Variants in ATP11C observed in about 807,000 individuals in gnomAD.
ATP11C encodes the protein phospholipid-transporting ATPase IG.
ATP11C carries 36 observed loss-of-function variants against 97.4 expected under a neutral mutation model. The observed-to-expected ratio is 0.37, with a 90% CI of 0.28 to 0.49. The LOEUF (loss-of-function observed/expected upper bound fraction) is 0.49. Ranked by LOEUF, ATP11C falls within the 20% of genes least tolerant of loss-of-function variation. The pLI, the probability that ATP11C is intolerant of heterozygous loss-of-function variation, is 0.98. For missense variants in ATP11C, 730 were observed against 824.6 expected (o/e 0.89, Z 1.40); for synonymous variants, 275 against 290.9 (o/e 0.95, Z 0.56).
chrX:139,802,061 G>T (rs1276081945), intron 7 of ATP11C, among the ~76,000 whole-genome samples, 175 bp downstream of exon 7: 1 of 111,865 alleles, frequency 8.9e-6, no homozygotes, highest in Non-Finnish European at 1.9e-5. Flanking sequence ...GATTTATTCT[G>T]GGTTGATAGT....
intron 1 of ATP11C, among the ~76,000 whole-genome samples, chrX:139,867,288 A>C (rs1292167515): frequency 9.0e-6 from 1 of 110,924 alleles, no homozygotes; most frequent in Admixed American, 9.7e-5. Context: ...GATAAGTAAA[A>C]TCTATAGTAT....
intron 1 of ATP11C, among the ~76,000 whole-genome samples, chrX:139,859,946 C>CA (rs1174182010): frequency 1.1e-5 from 1 of 92,472 alleles, no homozygotes; most frequent in Middle Eastern, 4.4e-3. Context: ...ACTAAAAATA[C>CA]AAAAAAAAAT....
chrX:139,840,674 C>T (rs191221294), intron 1 of ATP11C, among the ~76,000 whole-genome samples: 1 of 111,743 alleles, frequency 8.9e-6, no homozygotes, highest in African/African-American at 3.2e-5. Context: ...TAGTGTGTAC[C>T]ATGGAACAGA....
chrX:139,769,818 A>G (rs1317632670), intron 19 of ATP11C, among the ~76,000 whole-genome samples: 1 of 110,956 alleles, frequency 9.0e-6, no homozygotes, highest in Non-Finnish European at 1.9e-5. Context: ...TTAAACTGCA[A>G]ATTCGGATTC....
At chrX:139,822,857 G>A (rs751087655) in intron 2 of ATP11C, among the ~76,000 whole-genome samples, 26 of 109,513 alleles carry the variant, frequency 2.4e-4, no homozygotes, top group Non-Finnish European at 4.6e-4. Context: ...CTATCTTTAA[G>A]TACAACTATA....
intron 1 of ATP11C, among the ~76,000 whole-genome samples, chrX:139,850,754 TACAA>T (rs1208188148): frequency 9.1e-6 from 1 of 109,705 alleles, no homozygotes; most frequent in Non-Finnish European, 1.9e-5. Flanking sequence ...CTACTAAAAA[TACAA>T]ACAATTAGCC....
intron 1 of ATP11C, 129 bp from the exon 2 acceptor site, chrX:139,826,952 C>T: frequency 1.5e-6 from 1 of 652,591 alleles, no homozygotes; most frequent in Non-Finnish European, 2.2e-6. Context: ...GAGGAGAAAA[C>T]CTTGTTAGGG....
chrX:139,787,963 T>C (rs769810413), intron 14 of ATP11C, among the ~76,000 whole-genome samples: 3 of 112,647 alleles, frequency 2.7e-5, no homozygotes, highest in South Asian at 7.3e-4. Context: ...CTGGCTGGCA[T>C]GCATAAATAG....
At chrX:139,893,675 G>A (rs990648496) in intron 1 of ATP11C, among the ~76,000 whole-genome samples, 9 of 109,151 alleles carry the variant, frequency 8.2e-5, no homozygotes, top group Non-Finnish European at 1.7e-4. Context: ...GCAATGCTCT[G>A]GCCTTTTTAC....
chrX:139,768,442 A>C lies in ATP11C; in HGVS notation c.2217-8T>G. 1 of 1,064,879 alleles carries C rather than the reference A, an allele frequency of 9.4e-7. No individual in the cohort carries two copies. Among genetic ancestry groups the C allele is most frequent in the Non-Finnish European group, 1.2e-6 (1 of 815,329 alleles). The allele number at this position is 1,064,879 out of a possible 1,213,427, so 87.8% of individuals were successfully genotyped here. A position where few individuals can be genotyped will look rare whatever the true frequency, so the allele number is the denominator to read the frequency against. On this transcript the variant is annotated splice_region_variant and splice_polypyrimidine_tract_variant and intron_variant, in intron 19 of 29. Coordinates refer to ENST00000682941, the MANE Select transcript of ATP11C (RefSeq NM_001353812.2). The stretch of plus-strand genomic sequence containing the variant: ...TGATGTTCTGTCCATGCTCTGAAAA[A>C]GAGAAACAATGCTATGTTTGGATTT...
chrX:139,744,810 T>C (rs770900049), intron 25 of ATP11C, among the ~76,000 whole-genome samples: 9 of 111,820 alleles, frequency 8.0e-5, no homozygotes, highest in Non-Finnish European at 1.5e-4. Context: ...TACTTTATGA[T>C]TAATAATTTT....
chrX:139,887,112 G>A (rs56210097), intron 1 of ATP11C, among the ~76,000 whole-genome samples: 6,804 of 111,181 alleles, frequency 0.061, 452 homozygotes, highest in African/African-American at 0.2. Flanking sequence ...AGTTTTTTTC[G>A]TCTTATCAAC....
rs1421329763 is a variant in ATP11C at position 139,932,844 on chromosome X, G to A, written c.-802C>T. ...GGCAGGGCACCGTGAAGACCCCAGC[G>A]CGGGAGGGGCGGGGCGGGGTGCGAG... On this transcript the variant is annotated 5_prime_UTR_variant, in exon 1 of 30. Transcript: ENST00000682941. The A allele has an allele frequency of 9.0e-6, 1 of 111,486 alleles. No homozygotes were observed. The highest frequency in any genetic ancestry group is 3.3e-5 in the African/African-American group (1 of 30,700). 9.2% of individuals were successfully genotyped at this position (111,486 alleles called of 1,213,427 possible).
intron 1 of ATP11C, among the ~76,000 whole-genome samples, chrX:139,867,765 A>C (rs1391137891): frequency 8.9e-6 from 1 of 112,046 alleles, no homozygotes; most frequent in Non-Finnish European, 1.9e-5. Flanking sequence ...GAATGGGGTG[A>C]CTGAGTGACC....
chrX:139,846,580 A>G lies in ATP11C; in HGVS notation c.28-19757T>C, dbSNP rs111283032. On this transcript the variant is annotated intron_variant, in intron 1 of 29. Transcript: ENST00000682941. ...ACCACCCAGTTGCTATAGGGAAAGC[A>G]GGATTTGGGCTCTAATGGTGACCAT... 8.9e-3 allele frequency among the ~76,000 whole-genome samples: 999 copies of G among 111,923 alleles called. 17 individuals are homozygous for G. The highest frequency in any genetic ancestry group is 0.031 in the African/African-American group (964 of 30,823).
chrX:139,910,052 G>C (rs1409508949), intron 1 of ATP11C: 1 of 112,599 alleles, frequency 8.9e-6, no homozygotes, highest in African/African-American at 3.3e-5. Flanking sequence ...GTTTGAAAAA[G>C]ACAGTTACTA....
intron 19 of ATP11C, 112 bp downstream of exon 19, chrX:139,774,578 A>C: frequency 1.5e-6 from 1 of 682,140 alleles, no homozygotes; most frequent in Non-Finnish European, 2.1e-6. Context: ...TAAGGATAAA[A>C]CACCTGCAAA....
intron 1 of ATP11C, among the ~76,000 whole-genome samples, chrX:139,895,921 C>T (rs1240811012): frequency 9.1e-6 from 1 of 109,932 alleles, no homozygotes; most frequent in African/African-American, 3.3e-5. Flanking sequence ...GCTGTCCGCC[C>T]GCCTCAGCTT....
chrX:139,905,423 T>C (rs946572830), intron 1 of ATP11C, among the ~76,000 whole-genome samples: 2 of 112,236 alleles, frequency 1.8e-5, no homozygotes, highest in Non-Finnish European at 3.8e-5. Flanking sequence ...AGGAGCATCT[T>C]ACTTTTACCT....
Sources: gnomAD v4.1 joint callset for allele counts (sites outside exome capture counted in the v4.1 genomes callset) on GRCh38, gnomAD v4.1.1 for gene constraint, MANE v1.5 for transcripts, NCBI Gene and HGNC (gene_info 2026-07-23, HGNC 2026-07-21) for gene names.